PAPPA: variants seen among roughly 807,000 people sequenced by gnomAD.
The protein encoded by PAPPA is pappalysin-1.
A neutral mutation model predicts 164.0 loss-of-function variants in PAPPA; 60 were observed. The ratio of observed to expected loss-of-function variants is 0.37; its 90% CI spans 0.30 to 0.45. The LOEUF is 0.45. Ranked by LOEUF, PAPPA falls within the 20% of genes least tolerant of loss-of-function variation. The pLI is 1.00. For synonymous variants in PAPPA, 875 were observed against 814.1 expected (o/e 1.07, Z -1.27); for missense variants, 1,782 against 2,087.3 (o/e 0.85, Z 2.85).
At chr9:116,218,071 G>A (rs1425852150) in intron 4 of PAPPA, among the ~76,000 whole-genome samples, 1 of 152,178 alleles carries the variant, frequency 6.6e-6, no homozygotes, top group Non-Finnish European at 1.5e-5. Context: ...TGGTATTCAG[G>A]AGTTACATGG....
chr9:116,219,348 A>T (rs28544153), intron 4 of PAPPA, among the ~76,000 whole-genome samples: 1 of 152,214 alleles, frequency 6.6e-6, no homozygotes, highest in African/African-American at 2.4e-5. Flanking sequence ...TCATCTTTCC[A>T]TGCCCTTGGG....
intron 20 of PAPPA, among the ~76,000 whole-genome samples, 186 bp from the exon 21 acceptor site, chr9:116,382,209 T>C (rs956994059): frequency 6.6e-6 from 1 of 152,026 alleles, no homozygotes; most frequent in Non-Finnish European, 1.5e-5. Context: ...GAAAGAAAGA[T>C]AAGAGTCTTT....
intron 10 of PAPPA, among the ~76,000 whole-genome samples, chr9:116,314,103 C>G (rs1367270341): frequency 2.8e-5 from 3 of 108,550 alleles, no homozygotes; most frequent in Non-Finnish European, 5.1e-5. Flanking sequence ...GATGGAGTCT[C>G]ACTCTTTCGC....
intron 17 of PAPPA, among the ~76,000 whole-genome samples, chr9:116,357,297 A>G (rs1023308429): frequency 6.6e-6 from 1 of 152,250 alleles, no homozygotes; most frequent in Non-Finnish European, 1.5e-5. Flanking sequence ...ATACTTATAC[A>G]GTGGCTACCA....
chr9:116,307,723 T>TGA (rs145791298), intron 10 of PAPPA, among the ~76,000 whole-genome samples: 21 of 149,830 alleles, frequency 1.4e-4, no homozygotes, highest in South Asian at 4.2e-4. Flanking sequence ...CTGAGGAATG[T>TGA]GAGAGAGAGA....
At chr9:116,254,644 T>C (rs1312893952) in intron 7 of PAPPA, among the ~76,000 whole-genome samples, 3 of 151,444 alleles carry the variant, frequency 2.0e-5, no homozygotes, top group Admixed American at 6.6e-5. Context: ...TAGCCGGGCG[T>C]GGTGGTGGGC....
chr9:116,263,576 C>T (rs959638379), intron 7 of PAPPA, among the ~76,000 whole-genome samples: 2 of 152,106 alleles, frequency 1.3e-5, no homozygotes, highest in African/African-American at 4.8e-5. Flanking sequence ...ATTAAATGTT[C>T]GTCATAGGCT....
chr9:116,311,446 A>G (rs1377604526), intron 10 of PAPPA, among the ~76,000 whole-genome samples: 3 of 152,194 alleles, frequency 2.0e-5, no homozygotes, highest in Non-Finnish European at 4.4e-5. Flanking sequence ...ACCTTTGAGG[A>G]GGAAGGGCGA....
intron 10 of PAPPA, among the ~76,000 whole-genome samples, chr9:116,321,032 T>TTC (rs1291983912): frequency 6.8e-6 from 1 of 146,594 alleles, no homozygotes; most frequent in Non-Finnish European, 1.5e-5. Flanking sequence ...TGTTATACAT[T>TTC]TTTTTTTTTT....
chr9:116,297,770 A>G (rs1845527716), intron 9 of PAPPA, among the ~76,000 whole-genome samples: 2 of 152,182 alleles, frequency 1.3e-5, no homozygotes, highest in African/African-American at 4.8e-5. Context: ...TAGAATCTCT[A>G]ATTAAGAAGA....
intron 2 of PAPPA, among the ~76,000 whole-genome samples, chr9:116,196,894 A>G (rs1280733933): frequency 1.3e-5 from 2 of 152,200 alleles, no homozygotes; most frequent in African/African-American, 4.8e-5. Flanking sequence ...TGCAGCTCTT[A>G]GCCTTGAACT....
chr9:116,176,603 C>T (rs550752662), intron 1 of PAPPA, among the ~76,000 whole-genome samples: 2 of 152,112 alleles, frequency 1.3e-5, no homozygotes, highest in South Asian at 4.1e-4. Context: ...TATCTCACAC[C>T]CCAGCTTGGA....
chr9:116,336,769 G>A (rs966544919), intron 13 of PAPPA, among the ~76,000 whole-genome samples: 1 of 152,180 alleles, frequency 6.6e-6, no homozygotes, highest in Admixed American at 6.5e-5. Context: ...CCTTGGATTA[G>A]TCATTCCCCT....
At chr9:116,344,055 C>T (rs113306580) in intron 13 of PAPPA, among the ~76,000 whole-genome samples, 1,576 of 152,216 alleles carry the variant, frequency 0.01, 30 homozygotes, top group African/African-American at 0.036. Context: ...CATGAGCCAC[C>T]GCGCCCAGCC....
intron 2 of PAPPA, among the ~76,000 whole-genome samples, chr9:116,194,138 G>A (rs1200155533): frequency 6.6e-6 from 1 of 152,186 alleles, no homozygotes; most frequent in African/African-American, 2.4e-5. Flanking sequence ...TGAAGACTCG[G>A]GCTGATTTAG....
intron 4 of PAPPA, among the ~76,000 whole-genome samples, chr9:116,216,021 C>A (rs564227710): frequency 6.6e-6 from 1 of 152,156 alleles, no homozygotes; most frequent in East Asian, 1.9e-4. Flanking sequence ...GTAATGAGTT[C>A]AGGGTAATGT....
intron 16 of PAPPA, 111 bp from the exon 17 acceptor site, chr9:116,353,511 G>T (rs1846311479): frequency 5.3e-6 from 5 of 939,446 alleles, no homozygotes; most frequent in Admixed American, 2.2e-5. Context: ...GTCAGGTGGG[G>T]AATCAAAACT....
Position 116,362,575 on chromosome 9 carries a change from G to C in PAPPA, c.4348-17G>C. The C allele has an allele frequency of 1.2e-6, 2 of 1,610,784 alleles. No homozygotes were observed. The highest frequency in any genetic ancestry group is 1.7e-6 in the Non-Finnish European group (2 of 1,178,288). On this transcript the variant is annotated splice_polypyrimidine_tract_variant and intron_variant, in intron 17 of 21. Coordinates refer to ENST00000328252, the MANE Select transcript of PAPPA (RefSeq NM_002581.5). ...TGGTGTCTCTCTTGGTCCTAACTCTGTTTCTCTGTTGTTCAGGGACTTGGG... is the reference window on the plus strand; with the variant it reads ...TGGTGTCTCTCTTGGTCCTAACTCTCTTTCTCTGTTGTTCAGGGACTTGGG...
intron 19 of PAPPA, among the ~76,000 whole-genome samples, chr9:116,371,636 T>G (rs571009047): frequency 1.3e-5 from 2 of 152,218 alleles, no homozygotes; most frequent in South Asian, 4.2e-4. Flanking sequence ...GGAGATGAGG[T>G]CTCACTGTGT....
Sources: gnomAD v4.1 joint callset for allele counts (sites outside exome capture counted in the v4.1 genomes callset) on GRCh38, gnomAD v4.1.1 for gene constraint, MANE v1.5 for transcripts, NCBI Gene and HGNC (gene_info 2026-07-23, HGNC 2026-07-21) for gene names.